LDLRAD3: variants seen among roughly 807,000 people sequenced by gnomAD.
LDLRAD3 encodes low density lipoprotein receptor class A domain containing 3.
In LDLRAD3, 20 loss-of-function variants were observed where a neutral mutation model predicts 29.4. The ratio of observed to expected loss-of-function variants is 0.68; its 90% CI spans 0.48 to 0.99. The LOEUF is 0.99. Ranked by LOEUF, LDLRAD3 falls within the 50% of genes least tolerant of loss-of-function variation. The pLI, the probability that LDLRAD3 is intolerant of heterozygous loss-of-function variation, is 0.00. For synonymous variants in LDLRAD3, 157 were observed against 192.7 expected, an observed-to-expected ratio of 0.81 and a Z score of 1.53; for missense variants, 420 against 454.3, an observed-to-expected ratio of 0.92 and a Z score of 0.69.
intron 1 of LDLRAD3, among the ~76,000 whole-genome samples, chr11:36,012,429 C>G (rs1363921300): frequency 1.3e-5 from 2 of 152,174 alleles, no homozygotes; most frequent in African/African-American, 2.4e-5. Flanking sequence ...AGAACTTTCA[C>G]CTTTTCACTT....
chr11:36,161,536 C>G (rs1293138523), intron 4 of LDLRAD3, among the ~76,000 whole-genome samples: 1 of 152,022 alleles, frequency 6.6e-6, no homozygotes, highest in Non-Finnish European at 1.5e-5. Context: ...AGATAAAAAT[C>G]CCTACCCTTG....
At chr11:36,012,549 G>A (rs550789951) in intron 1 of LDLRAD3, among the ~76,000 whole-genome samples, 1 of 152,246 alleles carries the variant, frequency 6.6e-6, no homozygotes, top group South Asian at 2.1e-4. Flanking sequence ...CACAAACATT[G>A]CAAGACAGAG....
intron 4 of LDLRAD3, among the ~76,000 whole-genome samples, chr11:36,189,720 C>T (rs937434032): frequency 2.6e-5 from 4 of 151,826 alleles, no homozygotes; most frequent in East Asian, 1.9e-4. Flanking sequence ...TAATGCTTTC[C>T]CTCCCCCCTT....
intron 2 of LDLRAD3, among the ~76,000 whole-genome samples, chr11:36,047,031 G>A (rs1018413693): frequency 1.3e-5 from 2 of 151,630 alleles, no homozygotes; most frequent in African/African-American, 4.8e-5. Context: ...TGAAAGTTCT[G>A]TGCTTTTAGT....
chr11:36,205,325 CT>C (rs1350165395), intron 4 of LDLRAD3, among the ~76,000 whole-genome samples: 3 of 152,204 alleles, frequency 2.0e-5, no homozygotes, highest in African/African-American at 7.2e-5. Flanking sequence ...AGTATTGTGG[CT>C]CTTTTCGTGC....
chr11:36,052,118 C>T (rs1299009671), intron 2 of LDLRAD3, among the ~76,000 whole-genome samples: 1 of 152,154 alleles, frequency 6.6e-6, no homozygotes, highest in Non-Finnish European at 1.5e-5. Context: ...ACAAATCTTA[C>T]ATTGCCAGCC....
chr11:36,022,083 C>T (rs1041726281), intron 1 of LDLRAD3, among the ~76,000 whole-genome samples: 3 of 152,194 alleles, frequency 2.0e-5, no homozygotes, highest in African/African-American at 4.8e-5. Flanking sequence ...CACACTGTGG[C>T]GCACGTTATT....
At chr11:36,011,792 A>G (rs192053884) in intron 1 of LDLRAD3, among the ~76,000 whole-genome samples, 40 of 152,250 alleles carry the variant, frequency 2.6e-4, no homozygotes, top group Admixed American at 2.4e-3. Context: ...AAATGGGTAT[A>G]AGTAGCTACC....
At chr11:36,197,085 C>G (rs1440028300) in intron 4 of LDLRAD3, 1 of 152,200 alleles carries the variant, frequency 6.6e-6, no homozygotes, top group Non-Finnish European at 1.5e-5. Context: ...CGCCCTTCTG[C>G]ATTCAGAAAA....
At chr11:36,010,954 C>T (rs559408066) in intron 1 of LDLRAD3, among the ~76,000 whole-genome samples, 1 of 152,246 alleles carries the variant, frequency 6.6e-6, no homozygotes, top group South Asian at 2.1e-4. Flanking sequence ...TGCAGGCATG[C>T]ACCACCAAGC....
rs181832495 is a variant in LDLRAD3 at position 36,186,377 on chromosome 11, T to C, written c.455-40708T>C. Among the ~76,000 whole-genome samples, 6 of 152,344 alleles carry C rather than the reference T, an allele frequency of 3.9e-5. No individual in the cohort carries two copies. The East Asian group carries it at 1.2e-3, about 29-fold the overall frequency. On this transcript the variant is annotated intron_variant, in intron 4 of 5. Transcript: ENST00000315571. ...TATATGCAGTTGCCGGCAATGTCTA[T>C]AAAATAGTCTTCTCTTGCAGTGAGT...
intron 4 of LDLRAD3, among the ~76,000 whole-genome samples, chr11:36,117,687 G>C (rs1464010932): frequency 6.6e-6 from 1 of 152,232 alleles, no homozygotes; most frequent in African/African-American, 2.4e-5. Flanking sequence ...AGCCGTGGCT[G>C]CTGTGGTGTC....
intron 2 of LDLRAD3, among the ~76,000 whole-genome samples, chr11:36,071,233 G>A (rs544510907): frequency 1.2e-4 from 19 of 152,302 alleles, no homozygotes; most frequent in South Asian, 4.1e-4. Flanking sequence ...TTCTAGGAGC[G>A]TCATTGCCAA....
At position 35,958,622 on chromosome 11, in the gene LDLRAD3, T is replaced by A. The variant is rs530013153; in HGVS notation, c.46+14478T>A. ...GGGTGCCTGGTCTGATCATTGGTGTTACTATTGCATTTTGTTCCAAAGCCT... is the reference window on the plus strand; with the variant it reads ...GGGTGCCTGGTCTGATCATTGGTGTAACTATTGCATTTTGTTCCAAAGCCT... On this transcript the variant is annotated intron_variant, in intron 1 of 5. Transcript: ENST00000315571. Among the ~76,000 whole-genome samples the A allele has an allele frequency of 3.0e-3, 461 of 152,298 alleles. 2 individuals are homozygous for A. Among genetic ancestry groups the A allele is most frequent in the Middle Eastern group, 0.024 (7 of 294 alleles).
At chr11:36,013,958 C>T (rs979488083) in intron 1 of LDLRAD3, among the ~76,000 whole-genome samples, 3 of 152,076 alleles carry the variant, frequency 2.0e-5, no homozygotes, top group Non-Finnish European at 4.4e-5. Context: ...GCAGGCACAC[C>T]CCCTTTTTTT....
intron 1 of LDLRAD3, among the ~76,000 whole-genome samples, chr11:36,007,179 C>T (rs1035320844): frequency 1.3e-5 from 2 of 152,150 alleles, no homozygotes; most frequent in East Asian, 1.9e-4. Flanking sequence ...CAGAAAGCTC[C>T]GAGTAAGTGG....
At chr11:36,132,453 C>G (rs1853940629) in intron 4 of LDLRAD3, among the ~76,000 whole-genome samples, 1 of 152,138 alleles carries the variant, frequency 6.6e-6, no homozygotes, top group South Asian at 2.1e-4. Flanking sequence ...CAACACTGTT[C>G]TTAGTGCTTT....
At chr11:36,193,348 T>G (rs763378105) in intron 4 of LDLRAD3, among the ~76,000 whole-genome samples, 13 of 152,180 alleles carry the variant, frequency 8.5e-5, no homozygotes, top group Non-Finnish European at 1.6e-4. Context: ...CCAAAATAGC[T>G]TATCTGGCCA....
rs144338485 is a variant in LDLRAD3, at chr11:35,948,997, A to AGCATCATTACTGTGCATCATTACTGT, written c.46+4885_46+4910dup. 6.7e-4 allele frequency among the ~76,000 whole-genome samples: 101 copies of AGCATCATTACTGTGCATCATTACTGT among 150,884 alleles called. 1 individual carries two copies. Among genetic ancestry groups the AGCATCATTACTGTGCATCATTACTGT allele is most frequent in the African/African-American group, 1.7e-3 (67 of 40,574 alleles). ...GCAAGTGTCCTTGCCATGCATCTTGAGCATCATTACTGTGCATCATTACTG... is the reference window on the plus strand; with the variant it reads ...GCAAGTGTCCTTGCCATGCATCTTGAGCATCATTACTGTGCATCATTACTGTGCATCATTACTGTGCATCATTACTG... On this transcript the variant is annotated intron_variant, in intron 1 of 5. Coordinates refer to ENST00000315571, the MANE Select transcript of LDLRAD3 (RefSeq NM_174902.4).
Sources: allele counts gnomAD v4.1 joint callset (sites outside exome capture counted in the v4.1 genomes callset), GRCh38; gene constraint gnomAD v4.1.1; transcripts MANE v1.5; gene names NCBI Gene and HGNC (gene_info 2026-07-23, HGNC 2026-07-21).